The following SMYD3 variants were observed in gnomAD, a reference collection of about 807,000 sequenced individuals.
SMYD3 encodes SET and MYND domain containing 3.
SMYD3 carries 36 observed loss-of-function variants against 57.7 expected under a neutral mutation model. The observed-to-expected ratio is 0.62, with a 90% CI of 0.48 to 0.82. The LOEUF (loss-of-function observed/expected upper bound fraction) is 0.82, where lower values mean the gene tolerates loss of function less well. Ranked by LOEUF, SMYD3 falls within the 40% of genes least tolerant of loss-of-function variation. The pLI, the probability that SMYD3 is intolerant of heterozygous loss-of-function variation, is 0.00. For synonymous variants in SMYD3, 211 were observed against 195.0 expected, an observed-to-expected ratio of 1.08 and a Z score of -0.68; for missense variants, 515 against 538.8, an observed-to-expected ratio of 0.96 and a Z score of 0.44.
rs80052462 is a variant in SMYD3 at position 246,162,197 on chromosome 1, A to C, written c.531+165004T>G. On this transcript the variant is annotated intron_variant, in intron 5 of 11. Coordinates refer to ENST00000490107, the MANE Select transcript of SMYD3 (RefSeq NM_001167740.2). ...CTATCCCGCAATGACCACTAATTGA[A>C]ATGCCAACAACTCCAAGTTGGCTAA... is the stretch of plus-strand genomic sequence containing the variant. Among the ~76,000 whole-genome samples, 181 of 152,340 alleles carry C rather than the reference A, an allele frequency of 1.2e-3. 6 individuals are homozygous for C. The East Asian group carries it at 0.031, about 26-fold the overall frequency.
chr1:245,816,534 A>AAAAAAAAAAAC (rs2048811797), intron 10 of SMYD3, among the ~76,000 whole-genome samples: 1 of 150,854 alleles, frequency 6.6e-6, no homozygotes. Flanking sequence ...AAAAAAAAAA[A>AAAAAAAAAAAC]AAAAAGAGGA....
At chr1:246,150,272 C>T (rs750114632) in intron 5 of SMYD3, among the ~76,000 whole-genome samples, 7 of 152,200 alleles carry the variant, frequency 4.6e-5, no homozygotes, top group African/African-American at 9.7e-5. Context: ...ATTCCATTCT[C>T]TTTCAAAACA....
At chr1:245,763,934 G>T in intron 11 of SMYD3, 107 bp downstream of exon 11, 1 of 795,198 alleles carries the variant, frequency 1.3e-6, no homozygotes, top group Non-Finnish European at 2.1e-6. Flanking sequence ...GCATGCGTGT[G>T]TATGCGTGCA....
chr1:246,207,960 G>A (rs1034972961), intron 5 of SMYD3, among the ~76,000 whole-genome samples: 1 of 152,058 alleles, frequency 6.6e-6, no homozygotes, highest in African/African-American at 2.4e-5. Flanking sequence ...ACCAAGATGT[G>A]CAAACTGCCA....
intron 8 of SMYD3, among the ~76,000 whole-genome samples, chr1:245,869,696 T>C (rs1047084134): frequency 1.3e-5 from 2 of 152,134 alleles, no homozygotes; most frequent in Non-Finnish European, 2.9e-5. Flanking sequence ...CACCCCATTC[T>C]TTCCCCTCAC....
intron 8 of SMYD3, among the ~76,000 whole-genome samples, chr1:245,913,928 A>G (rs1285536548): frequency 6.6e-6 from 1 of 152,202 alleles, no homozygotes; most frequent in African/African-American, 2.4e-5. Flanking sequence ...TCTCACCCCA[A>G]TGAGAATGAC....
intron 1 of SMYD3, among the ~76,000 whole-genome samples, chr1:246,427,673 G>T (rs2067241508): frequency 6.6e-6 from 1 of 152,160 alleles, no homozygotes; most frequent in African/African-American, 2.4e-5. Context: ...AGACTAGCCT[G>T]GGCAACACAG....
chr1:245,836,444 G>A (rs936000314), intron 10 of SMYD3, among the ~76,000 whole-genome samples: 2 of 152,246 alleles, frequency 1.3e-5, no homozygotes, highest in Non-Finnish European at 2.9e-5. Context: ...TGCAAGGCAA[G>A]TTCTTGAGAG....
At chr1:245,872,335 G>T (rs2052243861) in intron 8 of SMYD3, among the ~76,000 whole-genome samples, 2 of 149,658 alleles carry the variant, frequency 1.3e-5, no homozygotes, top group African/African-American at 4.9e-5. Flanking sequence ...CCTCGCAAGA[G>T]CCCAAAGTTC....
At position 245,955,495 on chromosome 1, in the gene SMYD3, T is replaced by G. The variant is rs12077822; in HGVS notation, c.532-25558A>C. ...ATATCTTTTTCACTACTGCGATCGC[T>G]CATAATTTTATTCATCCTTTAGGAT... On this transcript the variant is annotated intron_variant, in intron 5 of 11. Coordinates refer to ENST00000490107, the MANE Select transcript of SMYD3 (RefSeq NM_001167740.2). 6.1e-3 allele frequency among the ~76,000 whole-genome samples: 924 copies of G among 152,270 alleles called. 16 individuals carry two copies. The highest frequency in any genetic ancestry group is 0.021 in the African/African-American group (860 of 41,554).
intron 5 of SMYD3, among the ~76,000 whole-genome samples, chr1:246,196,389 A>G (rs1269838054): frequency 6.6e-6 from 1 of 152,230 alleles, no homozygotes; most frequent in Admixed American, 6.5e-5. Flanking sequence ...TTGCATTTCT[A>G]ATTCTAATCC....
At chr1:246,053,382 G>T (rs936024475) in intron 5 of SMYD3, among the ~76,000 whole-genome samples, 2 of 150,874 alleles carry the variant, frequency 1.3e-5, no homozygotes, top group Non-Finnish European at 3.0e-5. Context: ...CAATTTTAAA[G>T]AGAGAAAAAA....
intron 5 of SMYD3, among the ~76,000 whole-genome samples, chr1:245,993,808 G>T (rs4654181): frequency 0.64 from 97,864 of 152,002 alleles, 34,811 homozygotes; most frequent in Non-Finnish European, 0.8. Flanking sequence ...GAAAAAGTTC[G>T]GGGGATGGAT....
chr1:246,182,343 C>T (rs1380246368), intron 5 of SMYD3, among the ~76,000 whole-genome samples: 1 of 152,170 alleles, frequency 6.6e-6, no homozygotes, highest in Non-Finnish European at 1.5e-5. Flanking sequence ...ACTTCTCTAT[C>T]ACCTCTTCCT....
At chr1:246,241,035 T>A (rs151217364) in intron 5 of SMYD3, among the ~76,000 whole-genome samples, 31,229 of 151,604 alleles carry the variant, frequency 0.21, 3,907 homozygotes, top group East Asian at 0.58. Context: ...TGTCATCTGC[T>A]AACAGGGACA....
At chr1:245,813,304 C>T (rs1325748429) in intron 10 of SMYD3, among the ~76,000 whole-genome samples, 1 of 152,098 alleles carries the variant, frequency 6.6e-6, no homozygotes, top group Non-Finnish European at 1.5e-5. Flanking sequence ...TGAGCCACCG[C>T]ACCAGGCCTA....
intron 5 of SMYD3, among the ~76,000 whole-genome samples, chr1:246,274,150 G>A (rs773246607): frequency 1.2e-4 from 19 of 152,154 alleles, no homozygotes; most frequent in Non-Finnish European, 2.2e-4. Flanking sequence ...TCTAAAGCAA[G>A]TTCTTCATGC....
At position 245,797,532 on chromosome 1, in the gene SMYD3, G is replaced by C. The variant is rs190607188; in HGVS notation, c.1077-33383C>G. Among the ~76,000 whole-genome samples the C allele has an allele frequency of 1.1e-4, 14 of 130,468 alleles. No individual in the cohort carries two copies. In the East Asian group the frequency reaches 3.4e-3, roughly 32 times the overall value. 85.6% of individuals were successfully genotyped at this position (130,468 alleles called of 152,430 possible). A position where few individuals can be genotyped will look rare whatever the true frequency, so the allele number is the denominator to read the frequency against. ...CACACACTGGGGCCTGTGGTGGGGT[G>C]GGGGGAGGGGGTAGGATAGCATTAG... On this transcript the variant is annotated intron_variant, in intron 10 of 11. Coordinates refer to ENST00000490107, the MANE Select transcript of SMYD3 (RefSeq NM_001167740.2).
intron 5 of SMYD3, among the ~76,000 whole-genome samples, chr1:246,004,434 T>C (rs1419150142): frequency 6.6e-6 from 1 of 152,168 alleles, no homozygotes; most frequent in Non-Finnish European, 1.5e-5. Context: ...CTTTCATTCA[T>C]GTGTACTACA....
Sources: gnomAD v4.1 joint callset for allele counts (sites outside exome capture counted in the v4.1 genomes callset) on GRCh38, gnomAD v4.1.1 for gene constraint, MANE v1.5 for transcripts, NCBI Gene and HGNC (gene_info 2026-07-23, HGNC 2026-07-21) for gene names.